SETBP1: variants seen among roughly 807,000 people sequenced by gnomAD.
SETBP1 encodes SET binding protein 1.
SETBP1 carries 9 observed loss-of-function variants against 101.0 expected under a neutral mutation model. The ratio of observed to expected loss-of-function variants is 0.09; its 90% CI spans 0.05 to 0.16. The LOEUF (loss-of-function observed/expected upper bound fraction) is 0.16. SETBP1 is among the 10% of genes least tolerant of loss of function. The probability of loss-of-function intolerance (pLI) is 1.00; values close to 1 mark genes in which losing one functional copy is unlikely to be tolerated. For missense variants in SETBP1, 1,858 were observed against 2,033.8 expected (o/e 0.91, Z 1.66); for synonymous variants, 818 against 788.5 (o/e 1.04, Z -0.63).
At chr18:44,853,257 T>C (rs1348862441) in intron 2 of SETBP1, among the ~76,000 whole-genome samples, 1 of 152,118 alleles carries the variant, frequency 6.6e-6, no homozygotes, top group Admixed American at 6.5e-5. Flanking sequence ...AGCTCTCCCA[T>C]GTGAAGAGAT....
chr18:44,996,421 C>A (rs1048789631), intron 4 of SETBP1, among the ~76,000 whole-genome samples: 2 of 152,338 alleles, frequency 1.3e-5, no homozygotes, highest in African/African-American at 4.8e-5. Context: ...TCCTTGCCTC[C>A]ATTCAGCTCT....
chr18:44,937,225 G>T (rs1599347233), intron 3 of SETBP1, among the ~76,000 whole-genome samples: 1 of 151,988 alleles, frequency 6.6e-6, no homozygotes, highest in Non-Finnish European at 1.5e-5. Context: ...GGCCGAGGCG[G>T]GCGGATCACG....
chr18:44,756,015 A>C (rs559951518), intron 2 of SETBP1, among the ~76,000 whole-genome samples: 1 of 152,184 alleles, frequency 6.6e-6, no homozygotes, highest in South Asian at 2.1e-4. Flanking sequence ...GGAGATCAAG[A>C]CCATCCTGGC....
intron 4 of SETBP1, among the ~76,000 whole-genome samples, chr18:44,957,330 G>GC (rs2145134066): frequency 6.6e-6 from 1 of 151,948 alleles, no homozygotes; most frequent in African/African-American, 2.4e-5. Context: ...CTAAACTTAT[G>GC]CCAGATACTG....
At chr18:44,947,053 G>A (rs2071223360) in intron 3 of SETBP1, among the ~76,000 whole-genome samples, 1 of 152,198 alleles carries the variant, frequency 6.6e-6, no homozygotes, top group South Asian at 2.1e-4. Flanking sequence ...TGTGTGCCAG[G>A]TGCTCTGCCT....
intron 2 of SETBP1, among the ~76,000 whole-genome samples, chr18:44,751,044 G>C (rs1389420620): frequency 6.6e-6 from 1 of 152,158 alleles, no homozygotes; most frequent in African/African-American, 2.4e-5. Context: ...CCTGGTATTT[G>C]GGGGTCATGG....
At position 44,774,533 on chromosome 18, in the gene SETBP1, G is replaced by A. The variant is rs148659774; in HGVS notation, c.486+72701G>A. 2.6e-4 allele frequency among the ~76,000 whole-genome samples: 40 copies of A among 152,296 alleles called. 1 individual carries two copies. The South Asian group carries it at 4.6e-3, about 17-fold the overall frequency. ...CCTCTGATGGATCACTGCTATAGGT[G>A]GTGATCACAAGTAGGACGTGTAGAG... On this transcript the variant is annotated intron_variant, in intron 2 of 5. Transcript: ENST00000649279.
Position 44,951,276 on chromosome 18 carries a change from A to T in SETBP1, c.1936A>T (p.Met646Leu). Residue 646 changes from methionine to leucine, a missense_variant, in exon 4 of 6, where the codon ATG becomes TTG. This residue lies in a region of SETBP1 where 111 missense variants were observed against 119.3 expected (regional missense o/e 0.93). Transcript: ENST00000649279. The surrounding 1 kb of genome is among the most constrained non-coding windows in gnomAD (Gnocchi z 7.8). ...GGGAGAGGACAAACCCATGAGCGAG[A>T]TGAAATTTCACAAGAAAGTTGGAAA... is the stretch of plus-strand genomic sequence containing the variant. ...VPGEDKPMSE[M>L]KFHKKVGKLG... The T allele has an allele frequency of 6.2e-7, 1 of 1,613,760 alleles. No individual in the cohort carries two copies. Among genetic ancestry groups the T allele is most frequent in the Non-Finnish European group, 8.5e-7 (1 of 1,180,048 alleles).
At chr18:44,971,610 AT>A (rs1477038498) in intron 4 of SETBP1, among the ~76,000 whole-genome samples, 2 of 152,304 alleles carry the variant, frequency 1.3e-5, no homozygotes, top group East Asian at 3.9e-4. Flanking sequence ...TTTGATTTGC[AT>A]TTCTCTGATG....
At chr18:44,831,114 T>G (rs1337227187) in intron 2 of SETBP1, among the ~76,000 whole-genome samples, 1 of 152,258 alleles carries the variant, frequency 6.6e-6, no homozygotes, top group African/African-American at 2.4e-5. Flanking sequence ...AGCACAGTTG[T>G]AAACTTTGTA....
chr18:44,938,119 C>T (rs1203365377), intron 3 of SETBP1, among the ~76,000 whole-genome samples: 3 of 152,088 alleles, frequency 2.0e-5, no homozygotes, highest in African/African-American at 7.2e-5. Context: ...TGGTCAGGAC[C>T]ACTCTGGAGC....
chr18:45,059,779 G>C (rs1208127155), intron 5 of SETBP1, among the ~76,000 whole-genome samples: 1 of 152,178 alleles, frequency 6.6e-6, no homozygotes, highest in African/African-American at 2.4e-5. Flanking sequence ...CACACACATA[G>C]AGAACATTTT....
At chr18:44,892,930 A>C (rs2069806286) in intron 3 of SETBP1, among the ~76,000 whole-genome samples, 1 of 152,144 alleles carries the variant, frequency 6.6e-6, no homozygotes, top group African/African-American at 2.4e-5. Context: ...CTAAGCAATC[A>C]AATCTTCTGG....
At chr18:44,877,244 T>A in intron 3 of SETBP1, 4 of 652,230 alleles carry the variant, frequency 6.1e-6, no homozygotes, top group Non-Finnish European at 5.7e-6. Flanking sequence ...TATCCAAGCA[T>A]GTGATTGTTT....
At chr18:44,931,442 A>G (rs1392879341) in intron 3 of SETBP1, among the ~76,000 whole-genome samples, 2 of 152,196 alleles carry the variant, frequency 1.3e-5, no homozygotes, top group African/African-American at 2.4e-5. Flanking sequence ...ACTTCTGTAC[A>G]TGTCTATTAG....
At chr18:44,846,005 G>A (rs561586634) in intron 2 of SETBP1, among the ~76,000 whole-genome samples, 1 of 152,306 alleles carries the variant, frequency 6.6e-6, no homozygotes, top group African/African-American at 2.4e-5. Context: ...TGGTGCCTGA[G>A]AGCAGAAGCC....
chr18:44,902,778 G>A (rs1293244040), intron 3 of SETBP1, among the ~76,000 whole-genome samples: 1 of 151,936 alleles, frequency 6.6e-6, no homozygotes, highest in African/African-American at 2.4e-5. Flanking sequence ...AATAAATTCT[G>A]ACTTATGTTA....
chr18:45,005,683 G>C (rs1364764157), intron 4 of SETBP1, among the ~76,000 whole-genome samples: 1 of 118,486 alleles, frequency 8.4e-6, no homozygotes, highest in Admixed American at 1.1e-4. Flanking sequence ...GTCTTGCTCT[G>C]TCGCCCAGGC....
chr18:44,701,946 T>TCTGAATCCCCAACCCCACG, intron 2 of SETBP1, 114 bp downstream of exon 2: 1 of 1,282,866 alleles, frequency 7.8e-7, no homozygotes, highest in Non-Finnish European at 1.1e-6. Flanking sequence ...CAACGTGGGG[T>TCTGAATCCCCAACCCCACG]TGGGGATTCA....
Sources: allele counts gnomAD v4.1 joint callset (sites outside exome capture counted in the v4.1 genomes callset), GRCh38; gene constraint gnomAD v4.1.1; regional missense constraint gnomAD v4.1.1; non-coding constraint Gnocchi (gnomAD v3.1); transcripts MANE v1.5; gene names NCBI Gene and HGNC (gene_info 2026-07-23, HGNC 2026-07-21).